The following ADAMTS10 variants were observed in gnomAD, a reference collection of about 807,000 sequenced individuals.
The protein encoded by ADAMTS10 is ADAM metallopeptidase with thrombospondin type 1 motif 10.
A neutral mutation model predicts 135.9 loss-of-function variants in ADAMTS10; 48 were observed. The observed-to-expected ratio is 0.35, with a 90% CI of 0.28 to 0.45. ADAMTS10 has a LOEUF of 0.45. Ranked by LOEUF, ADAMTS10 falls within the 20% of genes least tolerant of loss-of-function variation. The pLI, the probability that ADAMTS10 is intolerant of heterozygous loss-of-function variation, is 1.00. For synonymous variants in ADAMTS10, 621 were observed against 647.5 expected, an observed-to-expected ratio of 0.96 and a Z score of 0.62; for missense variants, 1,131 against 1,565.2, an observed-to-expected ratio of 0.72 and a Z score of 4.68.
chr19:8,608,775 A>G (rs2042748925), intron 1 of ADAMTS10, among the ~76,000 whole-genome samples: 1 of 151,318 alleles, frequency 6.6e-6, no homozygotes, highest in South Asian at 2.1e-4. Context: ...TCCTCCCAAA[A>G]CCCTCACACC....
chr19:8,595,700 C>CGA, intron 12 of ADAMTS10, 62 bp downstream of exon 12: 1 of 1,317,838 alleles, frequency 7.6e-7, no homozygotes, highest in Non-Finnish European at 1.1e-6. Flanking sequence ...GGTGGAGTTC[C>CGA]CTCCCCCAGC....
chr19:8,610,370 C>G (rs1361367439), intron 1 of ADAMTS10, among the ~76,000 whole-genome samples: 1 of 151,654 alleles, frequency 6.6e-6, no homozygotes, highest in South Asian at 2.1e-4. Flanking sequence ...GACTCATCCC[C>G]AGGCACTGAC....
At chr19:8,602,088 C>A (rs1380768188) in intron 5 of ADAMTS10, among the ~76,000 whole-genome samples, 1 of 152,106 alleles carries the variant, frequency 6.6e-6, no homozygotes, top group Non-Finnish European at 1.5e-5. Context: ...ATGCACTGCC[C>A]AATTAGATCA....
chr19:8,591,672 C>G (rs1450067414), intron 15 of ADAMTS10, 128 bp downstream of exon 15: 2 of 1,096,942 alleles, frequency 1.8e-6, no homozygotes, highest in African/African-American at 3.1e-5. Flanking sequence ...GATCTCCTGA[C>G]CTCGTGATCC....
chr19:8,589,660 GCCAAGAGGGACAGACC>G, intron 16 of ADAMTS10, 75 bp from the exon 17 acceptor site: 1 of 1,599,206 alleles, frequency 6.3e-7, no homozygotes, highest in Non-Finnish European at 8.5e-7. Context: ...GGGGAGTGAG[GCCAAGAGGGACAGACC>G]CCAGACCCAA....
intron 6 of ADAMTS10, among the ~76,000 whole-genome samples, chr19:8,598,302 AC>A (rs1394800090): frequency 1.3e-5 from 2 of 150,308 alleles, no homozygotes; most frequent in Admixed American, 6.6e-5. Flanking sequence ...ACCCCTGCTT[AC>A]CCCCCTGACT....
At chr19:8,606,153 T>A (rs537201825) in intron 2 of ADAMTS10, among the ~76,000 whole-genome samples, 1 of 152,312 alleles carries the variant, frequency 6.6e-6, no homozygotes, top group South Asian at 2.1e-4. Flanking sequence ...CTCCACTGCC[T>A]GGGCTCAAAT....
chr19:8,586,640 G>A lies in ADAMTS10; in HGVS notation c.2321C>T (p.Thr774Ile). 6.2e-7 allele frequency: 1 copy of A among 1,614,074 alleles called. No individual in the cohort carries two copies. The highest frequency in any genetic ancestry group is 8.5e-7 in the Non-Finnish European group (1 of 1,179,998). Residue 774 changes from threonine (T) to isoleucine (I), a missense_variant, in exon 20 of 26, where the codon ACC becomes ATC. Around this residue, in one of 3 missense-constraint regions of ADAMTS10, gnomAD observed 745 missense variants for 1,056.3 expected, o/e 0.71. Coordinates refer to ENST00000597188, the MANE Select transcript of ADAMTS10 (RefSeq NM_030957.4). ...TGGCCCCTGTCGCAGTTGAAAGGTG[G>A]TCCCAGCTAGAGGCAGACGGTGGGG... is the stretch of plus-strand genomic sequence containing the variant. ...PQPHRLPLAG[T>I]TFQLRQGPDQ...
intron 1 of ADAMTS10, 94 bp from the exon 2 acceptor site, chr19:8,608,342 T>A (rs1195638677): frequency 6.6e-6 from 1 of 152,194 alleles, no homozygotes; most frequent in African/African-American, 2.4e-5. Context: ...ATTCTGACCC[T>A]CTCTCTGCCC....
chr19:8,588,950 C>A (rs1228241471), intron 18 of ADAMTS10, among the ~76,000 whole-genome samples: 3 of 152,036 alleles, frequency 2.0e-5, no homozygotes, highest in African/African-American at 7.2e-5. Context: ...CGCCACCACG[C>A]CCAGCTAATT....
intron 15 of ADAMTS10, 117 bp downstream of exon 15, chr19:8,591,683 G>T (rs1253005194): frequency 8.2e-7 from 1 of 1,219,024 alleles, no homozygotes; most frequent in Non-Finnish European, 1.2e-6. Flanking sequence ...CTCGTGATCC[G>T]CCTGCCTTGG....
At position 8,592,089 on chromosome 19, in the gene ADAMTS10, C is replaced by G. The variant is rs2042539576; in HGVS notation, c.1602G>C (p.Arg534=). 6.2e-7 allele frequency: 1 copy of G among 1,613,588 alleles called. No homozygotes were observed. The highest frequency in any genetic ancestry group is 1.3e-5 in the African/African-American group (1 of 74,916). ...HTIDKGWCYK[R]VCVPFGSRPE... ...GGCGCGACCCAAAGGGGACACAGACCCGTTTGTAGCACCACTGGGTGGGGG... is the reference window on the plus strand; with the variant it reads ...GGCGCGACCCAAAGGGGACACAGACGCGTTTGTAGCACCACTGGGTGGGGG... Residue 534 remains arginine (R), a synonymous_variant, in exon 14 of 26, where the codon CGG becomes CGC. Transcript: ENST00000597188.
At position 8,605,523 on chromosome 19, in the gene ADAMTS10, GAC is replaced by G; in HGVS notation, c.88+98_88+99del. On this transcript the variant is annotated intron_variant, in intron 3 of 25. Transcript: ENST00000597188. The surrounding 1 kb of genome is among the most constrained non-coding windows in gnomAD (Gnocchi z 7.7). Reference sequence around the variant, plus strand: ...ATTGACCCCAGGGCCTTCCCCCATTGACCCCCATCCCAGCCCCCTGATGCCTC... The same window carrying G: ...ATTGACCCCAGGGCCTTCCCCCATTGCCCCATCCCAGCCCCCTGATGCCTC... 2 of 1,267,186 alleles carry G rather than the reference GAC, an allele frequency of 1.6e-6. No homozygotes were observed. The highest frequency in any genetic ancestry group is 2.2e-6 in the Non-Finnish European group (2 of 904,902). 78.5% of individuals were successfully genotyped at this position (1,267,186 alleles called of 1,614,324 possible).
At position 8,599,832 on chromosome 19, in the gene ADAMTS10, C is replaced by T. The variant is rs1309821031; in HGVS notation, c.810+1096G>A. 2.0e-5 allele frequency among the ~76,000 whole-genome samples: 3 copies of T among 151,606 alleles called. No individual in the cohort carries two copies. The South Asian group carries it at 6.3e-4, about 32-fold the overall frequency. On this transcript the variant is annotated intron_variant, in intron 6 of 25. Transcript: ENST00000597188. ...ACTATGTTTCCCAGGCTGCTGTGTA[C>T]TTATTTTTTTATTTTTTTTTGAGAC...
intron 22 of ADAMTS10, 49 bp downstream of exon 22, chr19:8,586,073 G>T: frequency 6.2e-7 from 1 of 1,611,336 alleles, no homozygotes; most frequent in South Asian, 1.1e-5. Context: ...TGACTCCAGG[G>T]AGTACTCTCC....
chr19:8,600,778 G>A (rs536023956), intron 6 of ADAMTS10, 150 bp downstream of exon 6: 151 of 935,798 alleles, frequency 1.6e-4, no homozygotes, highest in East Asian at 9.1e-4. Context: ...GATTACAGGT[G>A]TGAGCCACCG....
rs782796850 is a variant in ADAMTS10 at position 8,586,184 on chromosome 19, G to A, written c.2598C>T (p.Cys866=). 6.2e-7 allele frequency: 1 copy of A among 1,613,058 alleles called. No homozygotes were observed. The change falls in exon 22 of 26, where the codon TGC becomes TGT. Residue 866 remains cysteine, a synonymous_variant. Transcript: ENST00000597188. ...TTTTGGGCAGCTTGCTGTGGGCACT[G>A]CAGTAGTGGGGGGCGACCGCGGAGC... ...LDSSAVAPHY[C]SAHSKLPKRQ... is the part of the protein sequence containing the mutation.
chr19:8,589,096 C>A, intron 18 of ADAMTS10, 146 bp downstream of exon 18: 1 of 1,371,926 alleles, frequency 7.3e-7, no homozygotes, highest in Non-Finnish European at 9.9e-7. Flanking sequence ...CTGGCTGAGC[C>A]CGCAGGACTT....
At position 8,585,314 on chromosome 19, in the gene ADAMTS10, G is replaced by GT; in HGVS notation, c.2866-7dup. ...GGCCCGCAGCTGGGGGTGCACTGCAGTTGGAAGGGGCGTTTCGTGCTCAGG... is the reference window on the plus strand; with the variant it reads ...GGCCCGCAGCTGGGGGTGCACTGCAGTTTGGAAGGGGCGTTTCGTGCTCAGG... On this transcript the variant is annotated splice_polypyrimidine_tract_variant and splice_region_variant and intron_variant, in intron 23 of 25. Transcript: ENST00000597188. 6.5e-7 allele frequency: 1 copy of GT among 1,532,518 alleles called. No homozygotes were observed. Among genetic ancestry groups the GT allele is most frequent in the South Asian group, 1.2e-5 (1 of 84,170 alleles). The allele number at this position is 1,532,518 out of a possible 1,614,324, so 94.9% of individuals were successfully genotyped here.
Sources: gnomAD v4.1 joint callset for allele counts (sites outside exome capture counted in the v4.1 genomes callset) on GRCh38, gnomAD v4.1.1 for gene constraint, gnomAD v4.1.1 regional missense constraint, Gnocchi (gnomAD v3.1) non-coding constraint, MANE v1.5 for transcripts, NCBI Gene and HGNC (gene_info 2026-07-23, HGNC 2026-07-21) for gene names.